Variants in TMEM117 observed in about 807,000 individuals in gnomAD.
The protein encoded by TMEM117 is transmembrane protein 117.
Under a neutral mutation model 52.4 loss-of-function variants are expected in TMEM117, and 27 were observed. The ratio of observed to expected loss-of-function variants is 0.51; its 90% CI spans 0.38 to 0.71. TMEM117 has a LOEUF of 0.71. TMEM117 is among the 30% of genes least tolerant of loss of function. The pLI, the probability that TMEM117 is intolerant of heterozygous loss-of-function variation, is 0.00. For synonymous variants in TMEM117, 215 were observed against 206.3 expected (o/e 1.04, Z -0.36); for missense variants, 556 against 630.5 (o/e 0.88, Z 1.26).
chr12:43,845,555 T>A (rs1424976923), intron 2 of TMEM117, among the ~76,000 whole-genome samples: 2 of 152,048 alleles, frequency 1.3e-5, no homozygotes, highest in African/African-American at 2.4e-5. Flanking sequence ...AAATTTTTTT[T>A]ATTATACTTT....
At position 43,885,906 on chromosome 12, in the gene TMEM117, G is replaced by A. The variant is rs1342287095; in HGVS notation, c.277+40978G>A. 2.0e-5 allele frequency among the ~76,000 whole-genome samples: 3 copies of A among 152,172 alleles called. No individual in the cohort carries two copies. In the East Asian group the frequency reaches 5.8e-4, roughly 29 times the overall value. ...TAGCTAAGTACGGACAAGAGAATAA[G>A]CATTCCAGGTATGAGACATTTTACT... is the stretch of plus-strand genomic sequence containing the variant. On this transcript the variant is annotated intron_variant, in intron 2 of 7. Coordinates refer to ENST00000266534, the MANE Select transcript of TMEM117 (RefSeq NM_032256.3).
intron 5 of TMEM117, among the ~76,000 whole-genome samples, chr12:44,240,355 G>A (rs148472966): frequency 2.0e-4 from 30 of 152,166 alleles, no homozygotes; most frequent in African/African-American, 7.0e-4. Flanking sequence ...CCCAAGAGTT[G>A]CACATATGAC....
intron 4 of TMEM117, among the ~76,000 whole-genome samples, chr12:44,197,121 A>T (rs1007382731): frequency 6.6e-6 from 1 of 152,194 alleles, no homozygotes. Flanking sequence ...TAGGGATAGC[A>T]TGTAGTAGGC....
At chr12:44,122,411 G>T (rs1948252254) in intron 3 of TMEM117, among the ~76,000 whole-genome samples, 1 of 151,626 alleles carries the variant, frequency 6.6e-6, no homozygotes, top group Non-Finnish European at 1.5e-5. Flanking sequence ...TTTTTTTATT[G>T]CAACTTTTAA....
intron 5 of TMEM117, among the ~76,000 whole-genome samples, chr12:44,250,570 A>G (rs566255711): frequency 1.3e-5 from 2 of 152,326 alleles, no homozygotes; most frequent in Non-Finnish European, 2.9e-5. Context: ...TTACAATAGC[A>G]AAGACTTGGA....
chr12:43,915,938 C>T (rs1944595065), intron 2 of TMEM117, among the ~76,000 whole-genome samples: 2 of 152,100 alleles, frequency 1.3e-5, no homozygotes, highest in Admixed American at 6.6e-5. Flanking sequence ...CCTCACCTCC[C>T]ATCCCCACTC....
At chr12:44,245,583 GT>G (rs76314370) in intron 5 of TMEM117, among the ~76,000 whole-genome samples, 2,527 of 142,652 alleles carry the variant, frequency 0.018, 52 homozygotes, top group East Asian at 0.059. Flanking sequence ...CAGTTCTAAC[GT>G]TTTTTTTTTT....
chr12:44,166,368 G>T (rs1053946594), intron 4 of TMEM117, among the ~76,000 whole-genome samples: 2 of 152,146 alleles, frequency 1.3e-5, no homozygotes, highest in African/African-American at 4.8e-5. Flanking sequence ...CTTTAGTTGA[G>T]TTAATTAAAA....
chr12:44,028,666 G>A (rs1184537090), intron 3 of TMEM117, among the ~76,000 whole-genome samples: 2 of 152,192 alleles, frequency 1.3e-5, no homozygotes, highest in African/African-American at 2.4e-5. Flanking sequence ...AAGCATGAAT[G>A]ATCCGCACCT....
intron 4 of TMEM117, among the ~76,000 whole-genome samples, chr12:44,152,921 T>C (rs1291292980): frequency 3.4e-4 from 51 of 148,866 alleles, no homozygotes; most frequent in Non-Finnish European, 5.9e-5. Flanking sequence ...TATTCTTAAG[T>C]ATATATTTAT....
chr12:44,099,897 T>G (rs754119639), intron 3 of TMEM117, among the ~76,000 whole-genome samples: 1 of 151,532 alleles, frequency 6.6e-6, no homozygotes, highest in Non-Finnish European at 1.5e-5. Context: ...GAGCAAGCCA[T>G]GTAGTGGTGA....
At chr12:43,855,815 A>G (rs182692852) in intron 2 of TMEM117, among the ~76,000 whole-genome samples, 57 of 152,264 alleles carry the variant, frequency 3.7e-4, no homozygotes, top group African/African-American at 1.3e-3. Context: ...CTTAGTTTGA[A>G]TTTTTTTGGT....
intron 2 of TMEM117, among the ~76,000 whole-genome samples, chr12:43,908,969 A>G (rs1291702444): frequency 7.5e-6 from 1 of 132,644 alleles, no homozygotes; most frequent in Non-Finnish European, 1.6e-5. Context: ...ATACCCAGGA[A>G]TTGAACTCAG....
At chr12:43,974,444 TTAG>T (rs960910784) in intron 3 of TMEM117, among the ~76,000 whole-genome samples, 3 of 152,160 alleles carry the variant, frequency 2.0e-5, no homozygotes, top group Non-Finnish European at 4.4e-5. Context: ...GAATTATCCT[TTAG>T]AAAGTATGTT....
intron 5 of TMEM117, chr12:44,263,989 A>C (rs1950349087): frequency 1.3e-5 from 2 of 152,188 alleles, no homozygotes; most frequent in African/African-American, 4.8e-5. Flanking sequence ...AGTTCTACTC[A>C]ATTAGAATCC....
intron 5 of TMEM117, among the ~76,000 whole-genome samples, chr12:44,231,315 A>G (rs1178707415): frequency 6.6e-6 from 1 of 151,614 alleles, no homozygotes; most frequent in Non-Finnish European, 1.5e-5. Flanking sequence ...GTGTATCTCT[A>G]GTTTCGTTTT....
chr12:43,929,588 CAT>C (rs1203014837), intron 2 of TMEM117, among the ~76,000 whole-genome samples: 1 of 152,064 alleles, frequency 6.6e-6, no homozygotes, highest in Non-Finnish European at 1.5e-5. Flanking sequence ...AAGTTTTTGA[CAT>C]ATGTATATAA....
intron 3 of TMEM117, among the ~76,000 whole-genome samples, chr12:44,136,276 A>G (rs1948489024): frequency 6.6e-6 from 1 of 152,154 alleles, no homozygotes; most frequent in African/African-American, 2.4e-5. Flanking sequence ...GTGAAGATAA[A>G]TGAAGTCTCT....
intron 3 of TMEM117, among the ~76,000 whole-genome samples, chr12:44,075,761 AG>A (rs1947372315): frequency 6.6e-6 from 1 of 150,764 alleles, no homozygotes; most frequent in Admixed American, 6.6e-5. Context: ...CTTGGGGTAT[AG>A]GGGGGAAATT....
Sources: allele counts gnomAD v4.1 joint callset (sites outside exome capture counted in the v4.1 genomes callset), GRCh38; gene constraint gnomAD v4.1.1; transcripts MANE v1.5; gene names NCBI Gene and HGNC (gene_info 2026-07-23, HGNC 2026-07-21).